Variants in SMARCA2 observed in about 807,000 individuals in gnomAD.
SMARCA2 encodes SWI/SNF related BAF chromatin remodeling complex subunit ATPase 2.
In SMARCA2, 61 loss-of-function variants were observed where a neutral mutation model predicts 199.8. The observed-to-expected ratio is 0.31, with a 90% CI of 0.25 to 0.38. The LOEUF is 0.38. SMARCA2 is among the 10% of genes least tolerant of loss of function. The pLI is 1.00. For missense variants in SMARCA2, 1,344 were observed against 2,012.2 expected, an observed-to-expected ratio of 0.67 and a Z score of 6.35; for synonymous variants, 935 against 732.0, an observed-to-expected ratio of 1.28 and a Z score of -4.48.
intron 4 of SMARCA2, chr9:2,043,490 GA>G (rs1268090886): frequency 4.6e-5 from 7 of 152,168 alleles, no homozygotes; most frequent in Admixed American, 4.6e-4. Flanking sequence ...AATGGGAACT[GA>G]AAAAATTTGG....
chr9:2,026,293 A>G (rs1818828539), intron 1 of SMARCA2, among the ~76,000 whole-genome samples: 1 of 152,252 alleles, frequency 6.6e-6, no homozygotes, highest in Admixed American at 6.5e-5. Context: ...AAGTCCAGGC[A>G]TCTGAGGTTC....
Position 2,170,312 on chromosome 9 carries a change from G to A in SMARCA2, c.4200-107G>A. ...GTAATCTTCCTAACAAGGCAGGTTG[G>A]TGAGGAGACTGAGGCTTGGCCAGGT... On this transcript the variant is annotated intron_variant, in intron 28 of 33. Transcript: ENST00000349721. This position sits in a 1 kb window ranked among gnomAD's most constrained non-coding sequence, Gnocchi z 4.7. 1 of 1,406,400 alleles carries A rather than the reference G, an allele frequency of 7.1e-7. No homozygotes were observed. Among genetic ancestry groups the A allele is most frequent in the Non-Finnish European group, 9.8e-7 (1 of 1,016,882 alleles). 87.1% of individuals were successfully genotyped at this position (1,406,400 alleles called of 1,614,324 possible).
At chr9:2,126,924 C>T (rs1202527533) in intron 27 of SMARCA2, among the ~76,000 whole-genome samples, 1 of 152,196 alleles carries the variant, frequency 6.6e-6, no homozygotes, top group African/African-American at 2.4e-5. Flanking sequence ...CTTGTAGCTT[C>T]TCCTCAGAGG....
intron 18 of SMARCA2, 38 bp from the exon 19 acceptor site, chr9:2,088,462 C>G (rs1281194833): frequency 1.3e-6 from 2 of 1,549,486 alleles, no homozygotes; most frequent in East Asian, 4.6e-5. Flanking sequence ...ACATCCTTTT[C>G]TTTAAAAAAT....
chr9:2,041,403 C>G (rs949486737), intron 4 of SMARCA2: 2 of 398,502 alleles, frequency 5.0e-6, no homozygotes, highest in African/African-American at 4.1e-5. Flanking sequence ...CTTCCTGATT[C>G]ATAGATGGCT....
At chr9:2,189,022 C>T (rs1281216062) in intron 32 of SMARCA2, among the ~76,000 whole-genome samples, 15 of 152,194 alleles carry the variant, frequency 9.9e-5, no homozygotes, top group Admixed American at 9.8e-4. Context: ...TTTGCGTCTT[C>T]CTCTTCCACG....
At chr9:2,181,346 G>A (rs557724319) in intron 29 of SMARCA2, 11 of 414,222 alleles carry the variant, frequency 2.7e-5, no homozygotes, top group African/African-American at 2.1e-4. Context: ...CATATTGTAT[G>A]TGTGACAGAA....
chr9:2,150,222 G>T (rs568466657), intron 27 of SMARCA2, among the ~76,000 whole-genome samples: 1 of 151,490 alleles, frequency 6.6e-6, no homozygotes, highest in South Asian at 2.1e-4. Flanking sequence ...AACATCCCTA[G>T]CATAATGCTA....
chr9:2,151,843 C>G (rs1400569282), intron 27 of SMARCA2, among the ~76,000 whole-genome samples: 2 of 151,920 alleles, frequency 1.3e-5, no homozygotes, highest in African/African-American at 2.4e-5. Flanking sequence ...TTAAATTGCG[C>G]TAGGAACAGA....
At chr9:2,084,965 A>AT (rs1230704516) in intron 17 of SMARCA2, among the ~76,000 whole-genome samples, 3 of 152,010 alleles carry the variant, frequency 2.0e-5, no homozygotes, top group South Asian at 4.2e-4. Flanking sequence ...CTCTTTAGTA[A>AT]TTTTTTTTAC....
chr9:2,104,083 T>C lies in SMARCA2; in HGVS notation c.3206T>C (p.Val1069Ala). Reference protein sequence around the residue: ...LPKLRATNHRVLLFCQMTSLM... With the variant: ...LPKLRATNHRALLFCQMTSLM... ...AAATTGAGAGCGACTAATCACCGAG[T>C]GCTGCTTTTCTGCCAGATGACATCT... The change falls in exon 23 of 34, where the codon GTG (valine) becomes GCG (alanine). Residue 1069 changes from valine to alanine, a missense_variant. Val to Ala is a moderately conservative substitution (Grantham distance 64). This residue lies in a region of SMARCA2 where 98 missense variants were observed against 245.6 expected (regional missense o/e 0.40). Coordinates refer to ENST00000349721, the MANE Select transcript of SMARCA2 (RefSeq NM_003070.5). This position sits in a 1 kb window ranked among gnomAD's most constrained non-coding sequence, Gnocchi z 4.0. 6.2e-7 allele frequency: 1 copy of C among 1,613,928 alleles called. No individual in the cohort carries two copies. Among genetic ancestry groups the C allele is most frequent in the Non-Finnish European group, 8.5e-7 (1 of 1,179,972 alleles).
In SMARCA2 at chr9:2,159,697, C is replaced by T. The variant is rs1825565368; in HGVS notation, c.3982-1989C>T. 3 of 1,338,828 alleles carry T rather than the reference C, an allele frequency of 2.2e-6. No individual in the cohort carries two copies. The African/African-American group carries it at 4.4e-5, about 20-fold the overall frequency. The allele number at this position is 1,338,828 out of a possible 1,614,324, so 82.9% of individuals were successfully genotyped here. A position where few individuals can be genotyped will look rare whatever the true frequency, so the allele number is the denominator to read the frequency against. ...AGCCTTCGGGCCTTGTAGTAGGTAG[C>T]ATGAAACAGCAGATTTGAGTATCCA... On this transcript the variant is annotated intron_variant, in intron 27 of 33. Coordinates refer to ENST00000349721, the MANE Select transcript of SMARCA2 (RefSeq NM_003070.5).
intron 2 of SMARCA2, among the ~76,000 whole-genome samples, chr9:2,031,476 A>G (rs2130192660): frequency 6.6e-6 from 1 of 152,358 alleles, no homozygotes; most frequent in South Asian, 2.1e-4. Flanking sequence ...ATAAAATGTG[A>G]GGGAAATACT....
intron 23 of SMARCA2, among the ~76,000 whole-genome samples, chr9:2,106,870 G>C (rs1822776225): frequency 6.6e-6 from 1 of 152,214 alleles, no homozygotes; most frequent in African/African-American, 2.4e-5. Context: ...GTTAAAATTA[G>C]TCATCATGAA....
In SMARCA2 at chr9:2,161,758, G is replaced by A; in HGVS notation, c.4054G>A (p.Val1352Met). 1 of 1,614,070 alleles carries A rather than the reference G, an allele frequency of 6.2e-7. No individual in the cohort carries two copies. Among genetic ancestry groups the A allele is most frequent in the Non-Finnish European group, 8.5e-7 (1 of 1,179,968 alleles). The change falls in exon 28 of 34, where the codon GTG (valine) becomes ATG (methionine). Residue 1352 changes from valine (V) to methionine (M), a missense_variant. Physicochemically the swap from Val to Met is conservative, Grantham distance 21 (BLOSUM62 1). Coordinates refer to ENST00000349721, the MANE Select transcript of SMARCA2 (RefSeq NM_003070.5). The surrounding 1 kb of genome is among the most constrained non-coding windows in gnomAD (Gnocchi z 4.7). ...RLKKRKRRRN[V>M]DKDPAKEDVE... Reference sequence around the variant, plus strand: ...TAAGAAGCGAAAAAGACGAAGAAATGTGGATAAAGATCCTGCAAAAGAAGA... The same window carrying A: ...TAAGAAGCGAAAAAGACGAAGAAATATGGATAAAGATCCTGCAAAAGAAGA...
At chr9:2,074,465 C>T (rs1357278862) in intron 12 of SMARCA2, among the ~76,000 whole-genome samples, 1 of 152,132 alleles carries the variant, frequency 6.6e-6, no homozygotes, top group Non-Finnish European at 1.5e-5. Context: ...GGCTGTTTTC[C>T]TTCTATTTGT....
chr9:2,186,350 C>G (rs1827454072), intron 32 of SMARCA2, 122 bp downstream of exon 32: 1 of 1,074,022 alleles, frequency 9.3e-7, no homozygotes, highest in African/African-American at 1.6e-5. Flanking sequence ...CCTTATTCCA[C>G]TTTGTCCTTG....
chr9:2,187,425 A>C (rs1827545207), intron 32 of SMARCA2, among the ~76,000 whole-genome samples: 1 of 151,924 alleles, frequency 6.6e-6, no homozygotes, highest in South Asian at 2.1e-4. Context: ...TAATCCGAGC[A>C]CTCTGGGAGG....
At chr9:2,082,265 C>A (rs1183952825) in intron 15 of SMARCA2, among the ~76,000 whole-genome samples, 1 of 150,444 alleles carries the variant, frequency 6.6e-6, no homozygotes. Flanking sequence ...CATAGTGAGT[C>A]TTGCTCATCA....
Sources: allele counts gnomAD v4.1 joint callset (sites outside exome capture counted in the v4.1 genomes callset), GRCh38; gene constraint gnomAD v4.1.1; regional missense constraint gnomAD v4.1.1; non-coding constraint Gnocchi (gnomAD v3.1); transcripts MANE v1.5; gene names NCBI Gene and HGNC (gene_info 2026-07-23, HGNC 2026-07-21).